Variants in DLGAP2 observed in about 807,000 individuals in gnomAD.
DLGAP2 encodes the protein DLG associated protein 2, also known as disks large-associated protein 2.
Under a neutral mutation model 100.3 loss-of-function variants are expected in DLGAP2, and 26 were observed. That is an observed-to-expected ratio of 0.26 (90% confidence interval 0.19 to 0.36). The LOEUF is 0.36. Among genes scored for constraint, DLGAP2 ranks in the 10% least tolerant of loss-of-function variants. DLGAP2 has a pLI of 1.00. For missense variants in DLGAP2, 1,858 were observed against 1,453.2 expected, an observed-to-expected ratio of 1.28 and a Z score of -4.53; for synonymous variants, 886 against 630.1, an observed-to-expected ratio of 1.41 and a Z score of -6.08.
At chr8:1,322,353 G>T (rs752850904) in intron 3 of DLGAP2, among the ~76,000 whole-genome samples, 1 of 152,152 alleles carries the variant, frequency 6.6e-6, no homozygotes, top group Non-Finnish European at 1.5e-5. Context: ...TACAACAAAG[G>T]CAAATCAGGA....
At chr8:1,437,381 C>G (rs1003323025) in intron 3 of DLGAP2, among the ~76,000 whole-genome samples, 1 of 152,250 alleles carries the variant, frequency 6.6e-6, no homozygotes, top group African/African-American at 2.4e-5. Flanking sequence ...TGTGCCCCCT[C>G]ATTAAGTGGC....
At chr8:1,322,549 A>G (rs1385121134) in intron 3 of DLGAP2, among the ~76,000 whole-genome samples, 2 of 150,548 alleles carry the variant, frequency 1.3e-5, no homozygotes, top group Admixed American at 6.6e-5. Flanking sequence ...AGCGTGCTGC[A>G]TCCTGCTTCT....
At chr8:1,174,434 A>G (rs1314056345) in intron 2 of DLGAP2, among the ~76,000 whole-genome samples, 1 of 151,980 alleles carries the variant, frequency 6.6e-6, no homozygotes, top group Non-Finnish European at 1.5e-5. Flanking sequence ...CATTACCACC[A>G]TCATTGCCAT....
chr8:1,354,262 T>C (rs912686216), intron 3 of DLGAP2, among the ~76,000 whole-genome samples: 61 of 152,236 alleles, frequency 4.0e-4, no homozygotes, highest in African/African-American at 1.4e-3. Flanking sequence ...TCCCAGCACT[T>C]TGGGAGGCCA....
chr8:1,157,320 C>T (rs1313456076), intron 2 of DLGAP2, among the ~76,000 whole-genome samples: 1 of 152,204 alleles, frequency 6.6e-6, no homozygotes, highest in African/African-American at 2.4e-5. Context: ...TCAGCCATTT[C>T]ACCGATGGAT....
At chr8:1,548,497 C>T in intron 4 of DLGAP2, 129 bp from the exon 5 acceptor site, 1 of 483,700 alleles carries the variant, frequency 2.1e-6, no homozygotes. Flanking sequence ...CACAAATCTG[C>T]CCTCTCGAGT....
At chr8:1,136,740 G>T (rs900129470) in intron 2 of DLGAP2, among the ~76,000 whole-genome samples, 17 of 152,234 alleles carry the variant, frequency 1.1e-4, no homozygotes, top group Middle Eastern at 3.2e-3. Flanking sequence ...CTTGAGGCTG[G>T]CAAACATGGA....
At chr8:912,098 A>G (rs1429619480) in intron 2 of DLGAP2, among the ~76,000 whole-genome samples, 1 of 152,240 alleles carries the variant, frequency 6.6e-6, no homozygotes, top group African/African-American at 2.4e-5. Flanking sequence ...GAGACAGCCC[A>G]TTCTACTGCC....
chr8:1,167,401 G>T (rs1185746063), intron 2 of DLGAP2, among the ~76,000 whole-genome samples: 1 of 152,160 alleles, frequency 6.6e-6, no homozygotes, highest in Non-Finnish European at 1.5e-5. Flanking sequence ...GCAGAGAGGG[G>T]TGAGGCTGGC....
At chr8:903,037 G>T (rs1798295141) in intron 1 of DLGAP2, among the ~76,000 whole-genome samples, 1 of 145,456 alleles carries the variant, frequency 6.9e-6, no homozygotes, top group Admixed American at 6.8e-5. Flanking sequence ...GAAAGAGTGC[G>T]GGTGGACGGG....
At chr8:1,243,997 G>C (rs1187981094) in intron 2 of DLGAP2, among the ~76,000 whole-genome samples, 1 of 152,228 alleles carries the variant, frequency 6.6e-6, no homozygotes, top group Non-Finnish European at 1.5e-5. Context: ...GTGAGTGCCA[G>C]CTCCCAGCCT....
chr8:1,285,809 T>C (rs1395337416), intron 3 of DLGAP2, among the ~76,000 whole-genome samples: 1 of 152,096 alleles, frequency 6.6e-6, no homozygotes, highest in Non-Finnish European at 1.5e-5. Flanking sequence ...TCTCTACAAA[T>C]AATTTAAAAA....
intron 2 of DLGAP2, among the ~76,000 whole-genome samples, chr8:1,201,395 C>T (rs569365907): frequency 1.3e-5 from 2 of 152,122 alleles, no homozygotes; most frequent in South Asian, 2.1e-4. Flanking sequence ...GAAGGGACGG[C>T]CTTCTGTTCC....
At chr8:1,152,260 T>G (rs1232138643) in intron 2 of DLGAP2, among the ~76,000 whole-genome samples, 1 of 152,262 alleles carries the variant, frequency 6.6e-6, no homozygotes, top group African/African-American at 2.4e-5. Flanking sequence ...TTTAGAAATA[T>G]GTTTGCATTC....
At chr8:909,424 A>T (rs1798442104) in intron 2 of DLGAP2, among the ~76,000 whole-genome samples, 1 of 152,180 alleles carries the variant, frequency 6.6e-6, no homozygotes, top group African/African-American at 2.4e-5. Context: ...TACTGCGGAC[A>T]TCACAGTGGG....
chr8:1,264,639 C>G (rs1285990660), intron 3 of DLGAP2, among the ~76,000 whole-genome samples: 1 of 152,080 alleles, frequency 6.6e-6, no homozygotes, highest in African/African-American at 2.4e-5. Context: ...AAACTATGTA[C>G]ACAGAATTCT....
chr8:821,692 T>A (rs548721669), intron 1 of DLGAP2, among the ~76,000 whole-genome samples: 1 of 152,364 alleles, frequency 6.6e-6, no homozygotes, highest in South Asian at 2.1e-4. Flanking sequence ...TGGACTAATT[T>A]CACAGATAGC....
intron 2 of DLGAP2, among the ~76,000 whole-genome samples, chr8:1,039,355 C>T (rs1462985135): frequency 4.7e-5 from 7 of 150,208 alleles, no homozygotes; most frequent in Non-Finnish European, 7.4e-5. Context: ...GCTCGGTGTG[C>T]GTGGTCAGCT....
intron 1 of DLGAP2, among the ~76,000 whole-genome samples, chr8:797,736 G>A (rs1449703115): frequency 6.6e-6 from 1 of 152,008 alleles, no homozygotes; most frequent in African/African-American, 2.4e-5. Flanking sequence ...AGTCTTTTGT[G>A]TTTTGTTTTA....
Sources: gnomAD v4.1 joint callset for allele counts (sites outside exome capture counted in the v4.1 genomes callset) on GRCh38, gnomAD v4.1.1 for gene constraint, MANE v1.5 for transcripts, NCBI Gene and HGNC (gene_info 2026-07-23, HGNC 2026-07-21) for gene names.